Variants in CAMTA1 observed in about 807,000 individuals in gnomAD.
CAMTA1 encodes calmodulin-binding transcription activator 1.
A neutral mutation model predicts 170.9 loss-of-function variants in CAMTA1; 27 were observed. The ratio of observed to expected loss-of-function variants is 0.16; its 90% CI spans 0.12 to 0.22. The LOEUF (loss-of-function observed/expected upper bound fraction) is 0.22, where lower values mean the gene tolerates loss of function less well. Among genes scored for constraint, CAMTA1 ranks in the 10% least tolerant of loss-of-function variants. The probability of loss-of-function intolerance (pLI) is 1.00; values close to 1 mark genes in which losing one functional copy is unlikely to be tolerated. For synonymous variants in CAMTA1, 833 were observed against 891.5 expected, an observed-to-expected ratio of 0.93 and a Z score of 1.17; for missense variants, 1,619 against 2,217.2, an observed-to-expected ratio of 0.73 and a Z score of 5.42.
In CAMTA1 at chr1:6,887,676, T is replaced by C; in HGVS notation, c.234+62466T>C. Reference sequence around the variant, plus strand: ...CAGGCTCTCACCACACACTTGTTCATGGGCGCAGCAAAGAAGAGGGATCCA... The same window carrying C: ...CAGGCTCTCACCACACACTTGTTCACGGGCGCAGCAAAGAAGAGGGATCCA... On this transcript the variant is annotated intron_variant, in intron 3 of 22. Coordinates refer to ENST00000303635, the MANE Select transcript of CAMTA1 (RefSeq NM_015215.4). The surrounding 1 kb of genome is among the most constrained non-coding windows in gnomAD (Gnocchi z 4.1). 2.6e-6 allele frequency: 4 copies of C among 1,535,318 alleles called. No homozygotes were observed. Among genetic ancestry groups the C allele is most frequent in the Non-Finnish European group, 3.5e-6 (4 of 1,146,626 alleles).
intron 5 of CAMTA1, among the ~76,000 whole-genome samples, chr1:7,316,722 C>G (rs998902574): frequency 6.6e-6 from 1 of 152,116 alleles, no homozygotes; most frequent in Non-Finnish European, 1.5e-5. Context: ...GGGGAGGAGG[C>G]AGACACACAC....
Position 7,146,244 on chromosome 1 carries a change from G to A in CAMTA1, c.302+54873G>A, listed in dbSNP as rs1224417050. Among the ~76,000 whole-genome samples, 1 of 152,142 alleles carries A rather than the reference G, an allele frequency of 6.6e-6. No individual in the cohort carries two copies. Among genetic ancestry groups the A allele is most frequent in the East Asian group, 1.9e-4 (1 of 5,158 alleles). The stretch of plus-strand genomic sequence containing the variant: ...CACCCCTCGCAGCAGGAGCTTGGCA[G>A]CCCCTGAACCCGGTGCCTGCTCATG... On this transcript the variant is annotated intron_variant, in intron 4 of 22. Coordinates refer to ENST00000303635, the MANE Select transcript of CAMTA1 (RefSeq NM_015215.4). This position sits in a 1 kb window ranked among gnomAD's most constrained non-coding sequence, Gnocchi z 4.3.
chr1:7,623,980 A>G (rs575675109), intron 6 of CAMTA1, among the ~76,000 whole-genome samples: 1 of 152,380 alleles, frequency 6.6e-6, no homozygotes, highest in African/African-American at 2.4e-5. Flanking sequence ...GCAAAATAGA[A>G]CATTTTGAGT....
chr1:7,664,656 C>T lies in CAMTA1; in HGVS notation c.2109C>T (p.Val703=). ...ETSQAAEGSE[V]LLKSGELQAC... Reference sequence around the variant, plus strand: ...CGCAGGCGGCGGAAGGGAGCGAGGTCCTGCTCAAGTCTGGGGAGCTGCAGG... The same window carrying T: ...CGCAGGCGGCGGAAGGGAGCGAGGTTCTGCTCAAGTCTGGGGAGCTGCAGG... The change falls in exon 9 of 23, where the codon GTC becomes GTT. Residue 703 remains valine (V), a synonymous_variant. Coordinates refer to ENST00000303635, the MANE Select transcript of CAMTA1 (RefSeq NM_015215.4). The T allele has an allele frequency of 6.2e-7, 1 of 1,605,746 alleles. No individual in the cohort carries two copies. Among genetic ancestry groups the T allele is most frequent in the Non-Finnish European group, 8.5e-7 (1 of 1,174,026 alleles).
At chr1:7,431,589 T>G (rs1325624119) in intron 5 of CAMTA1, among the ~76,000 whole-genome samples, 4 of 152,204 alleles carry the variant, frequency 2.6e-5, no homozygotes, top group Non-Finnish European at 5.9e-5. Flanking sequence ...CCCTCCCGAA[T>G]GGACGGCCAC....
intron 6 of CAMTA1, among the ~76,000 whole-genome samples, chr1:7,487,489 T>A (rs548556832): frequency 9.8e-5 from 15 of 152,382 alleles, no homozygotes; most frequent in African/African-American, 3.6e-4. Context: ...TTTGTCTTGA[T>A]GGCTGAGTGT....
intron 4 of CAMTA1, among the ~76,000 whole-genome samples, chr1:7,136,122 TC>T (rs1645530062): frequency 6.6e-6 from 1 of 152,194 alleles, no homozygotes; most frequent in South Asian, 2.1e-4. Flanking sequence ...CACACACTAC[TC>T]TGTCCATACC....
At chr1:7,697,497 G>A (rs909759787) in intron 11 of CAMTA1, among the ~76,000 whole-genome samples, 5 of 152,258 alleles carry the variant, frequency 3.3e-5, no homozygotes, top group Non-Finnish European at 2.9e-5. Flanking sequence ...GGGACAATCC[G>A]CTTTTTAGTA....
At chr1:7,506,143 C>T (rs1370942038) in intron 6 of CAMTA1, among the ~76,000 whole-genome samples, 2 of 152,164 alleles carry the variant, frequency 1.3e-5, no homozygotes, top group South Asian at 2.1e-4. Flanking sequence ...TCTATAACCT[C>T]GCTGTGGCAC....
chr1:7,258,406 GCA>G (rs1340591073), intron 5 of CAMTA1, among the ~76,000 whole-genome samples: 1 of 152,148 alleles, frequency 6.6e-6, no homozygotes, highest in Non-Finnish European at 1.5e-5. Flanking sequence ...CAACATCACT[GCA>G]CGTTAGCCCA....
intron 5 of CAMTA1, among the ~76,000 whole-genome samples, chr1:7,465,458 A>G (rs1194318992): frequency 6.0e-5 from 9 of 149,540 alleles, no homozygotes; most frequent in Non-Finnish European, 8.9e-5. Flanking sequence ...CATCCCTCCC[A>G]CCATCCAGGG....
At chr1:7,745,121 G>A in intron 17 of CAMTA1, 99 bp downstream of exon 17, 1 of 1,167,658 alleles carries the variant, frequency 8.6e-7, no homozygotes, top group Non-Finnish European at 1.2e-6. Flanking sequence ...TGTCATAGAA[G>A]ACCATACCAA....
chr1:7,097,341 A>G (rs11120841), intron 4 of CAMTA1, among the ~76,000 whole-genome samples: 45,669 of 152,170 alleles, frequency 0.3, 7,533 homozygotes, highest in Middle Eastern at 0.41. Flanking sequence ...GCACAGCAGC[A>G]AGTTTGCCCA....
rs974727345 is a variant in CAMTA1, at chr1:7,278,099, C to T, written c.438+28473C>T. 7.9e-5 allele frequency among the ~76,000 whole-genome samples: 12 copies of T among 152,276 alleles called. No homozygotes were observed. In the East Asian group the frequency reaches 2.1e-3, roughly 27 times the overall value. ...AATGAAATAGTAGTGCTGGGTTAAA[C>T]GATATAACTGCCTAAAAATTAGCTC... is the stretch of plus-strand genomic sequence containing the variant. On this transcript the variant is annotated intron_variant, in intron 5 of 22. Transcript: ENST00000303635.
chr1:7,658,139 C>A (rs925030616), intron 7 of CAMTA1, among the ~76,000 whole-genome samples: 3 of 152,220 alleles, frequency 2.0e-5, no homozygotes, highest in Non-Finnish European at 4.4e-5. Context: ...GCCCTGAAAA[C>A]AGCTCATCTC....
At chr1:7,597,573 T>C (rs1041493599) in intron 6 of CAMTA1, among the ~76,000 whole-genome samples, 1 of 152,010 alleles carries the variant, frequency 6.6e-6, no homozygotes, top group Non-Finnish European at 1.5e-5. Flanking sequence ...GATGTGTATA[T>C]ATATGGAGAG....
intron 5 of CAMTA1, among the ~76,000 whole-genome samples, chr1:7,343,539 T>C (rs1011374148): frequency 6.6e-6 from 1 of 152,216 alleles, no homozygotes; most frequent in Non-Finnish European, 1.5e-5. Flanking sequence ...GAGTGTTTGT[T>C]TAAACATTCT....
intron 3 of CAMTA1, among the ~76,000 whole-genome samples, chr1:7,042,400 G>C (rs1346035438): frequency 1.3e-5 from 2 of 152,072 alleles, no homozygotes; most frequent in African/African-American, 2.4e-5. Context: ...TGATTCCAGT[G>C]GGGGGAAAGG....
chr1:7,479,291 G>A (rs559057394), intron 6 of CAMTA1, among the ~76,000 whole-genome samples: 5 of 152,274 alleles, frequency 3.3e-5, no homozygotes, highest in South Asian at 2.1e-4. Context: ...AGACAGGTGC[G>A]CCCAGGTACC....
Sources: allele counts gnomAD v4.1 joint callset (sites outside exome capture counted in the v4.1 genomes callset), GRCh38; gene constraint gnomAD v4.1.1; non-coding constraint Gnocchi (gnomAD v3.1); transcripts MANE v1.5; gene names NCBI Gene and HGNC (gene_info 2026-07-23, HGNC 2026-07-21).